Variants in MEGF10 observed in about 807,000 individuals in gnomAD.
MEGF10 encodes the protein multiple EGF like domains 10.
Under a neutral mutation model 147.5 loss-of-function variants are expected in MEGF10, and 86 were observed. That is an observed-to-expected ratio of 0.58 (90% CI 0.49 to 0.70). MEGF10 has a LOEUF of 0.70. Among genes scored for constraint, MEGF10 ranks in the 30% least tolerant of loss-of-function variants. MEGF10 has a pLI of 0.00. For missense variants in MEGF10, 1,329 were observed against 1,487.3 expected, an observed-to-expected ratio of 0.89 and a Z score of 1.75; for synonymous variants, 478 against 525.5, an observed-to-expected ratio of 0.91 and a Z score of 1.24.
chr5:127,247,126 T>C, the MEGF10 span, among the ~76,000 whole-genome samples: 1 of 141,426 alleles, frequency 7.1e-6, no homozygotes, highest in African/African-American at 2.6e-5. Context: ...AAGAAGGGTC[T>C]ATATATGTTT....
At chr5:127,287,512 G>C (rs1403840102), upstream of MEGF10, among the ~76,000 whole-genome samples, 1 of 151,864 alleles carries the variant, frequency 6.6e-6, no homozygotes, top group Non-Finnish European at 1.5e-5. Flanking sequence ...AAAATACTTA[G>C]GGATTCATTT....
At chr5:127,411,389 C>T (rs72790411) in intron 9 of MEGF10, among the ~76,000 whole-genome samples, 15,637 of 152,274 alleles carry the variant, frequency 0.1, 928 homozygotes, top group Non-Finnish European at 0.13. Context: ...ACTAGAATTA[C>T]TTTATTTGCA....
intron 21 of MEGF10, among the ~76,000 whole-genome samples, chr5:127,448,898 A>T (rs1369671952): frequency 6.6e-6 from 1 of 150,968 alleles, no homozygotes; most frequent in Non-Finnish European, 1.5e-5. Flanking sequence ...TGGTGGAGGG[A>T]GTAGCTAGGA....
At chr5:127,350,271 A>G (rs986393450) in intron 4 of MEGF10, among the ~76,000 whole-genome samples, 1 of 151,988 alleles carries the variant, frequency 6.6e-6, no homozygotes, top group Non-Finnish European at 1.5e-5. Context: ...CTTTGTCCCC[A>G]CCTTTCAGCC....
chr5:127,310,403 T>C (rs192390125), intron 1 of MEGF10, among the ~76,000 whole-genome samples: 8 of 152,242 alleles, frequency 5.3e-5, no homozygotes, highest in Admixed American at 2.6e-4. Context: ...TGCAAAAATT[T>C]TTAAATTGTG....
chr5:127,258,922 A>T, the MEGF10 span, among the ~76,000 whole-genome samples: 1 of 152,210 alleles, frequency 6.6e-6, no homozygotes, highest in Non-Finnish European at 1.5e-5. Context: ...AACACAAAAC[A>T]GACTGAGACA....
chr5:127,343,505 C>T (rs75371065), intron 4 of MEGF10, among the ~76,000 whole-genome samples: 2,671 of 152,142 alleles, frequency 0.018, 69 homozygotes, highest in Middle Eastern at 0.099. Context: ...GGGACCTGAC[C>T]GGCTGTCTTC....
At chr5:127,437,118 G>A (rs1424920106) in intron 16 of MEGF10, among the ~76,000 whole-genome samples, 1 of 152,182 alleles carries the variant, frequency 6.6e-6, no homozygotes, top group Non-Finnish European at 1.5e-5. Context: ...ACAGAAGCTG[G>A]TTAAATATCA....
intron 13 of MEGF10, among the ~76,000 whole-genome samples, chr5:127,430,192 A>G (rs552512351): frequency 2.6e-5 from 4 of 152,290 alleles, no homozygotes; most frequent in Admixed American, 2.0e-4. Flanking sequence ...TACATTTTTA[A>G]GAAAACTTCT....
At chr5:127,236,713 T>A in the MEGF10 span, among the ~76,000 whole-genome samples, 1 of 152,246 alleles carries the variant, frequency 6.6e-6, no homozygotes, top group African/African-American at 2.4e-5. Flanking sequence ...AGATAAAATT[T>A]AAAAACTGCC....
chr5:127,378,419 A>C (rs1374503747), intron 5 of MEGF10, among the ~76,000 whole-genome samples: 1 of 152,124 alleles, frequency 6.6e-6, no homozygotes, highest in African/African-American at 2.4e-5. Context: ...CCTTTGTGAC[A>C]TCTCTTCCTG....
At chr5:127,326,687 A>G (rs972389183) in intron 1 of MEGF10, among the ~76,000 whole-genome samples, 3 of 152,200 alleles carry the variant, frequency 2.0e-5, no homozygotes, top group Admixed American at 1.3e-4. Context: ...TATAGATAAC[A>G]CGATGGAGTG....
chr5:127,344,840 A>T (rs1307309982), intron 4 of MEGF10, among the ~76,000 whole-genome samples: 6 of 152,194 alleles, frequency 3.9e-5, no homozygotes, highest in Admixed American at 6.5e-5. Flanking sequence ...GTCTACATCG[A>T]CCAGAGGACT....
At chr5:127,455,031 G>T (rs1392126218) in intron 23 of MEGF10, among the ~76,000 whole-genome samples, 1 of 152,136 alleles carries the variant, frequency 6.6e-6, no homozygotes, top group Non-Finnish European at 1.5e-5. Flanking sequence ...CAGCACAAAT[G>T]CCTTCTTGTC....
intron 20 of MEGF10, 141 bp from the exon 21 acceptor site, chr5:127,447,416 A>G: frequency 2.0e-6 from 2 of 1,020,708 alleles, no homozygotes; most frequent in Non-Finnish European, 2.9e-6. Flanking sequence ...TGACCTCGTC[A>G]TCTGCCCGCC....
the MEGF10 span, among the ~76,000 whole-genome samples, chr5:127,242,600 C>T: frequency 6.6e-6 from 1 of 152,102 alleles, no homozygotes; most frequent in Non-Finnish European, 1.5e-5. Flanking sequence ...AAAGGGTAAA[C>T]ACAACTAAGC....
intron 15 of MEGF10, 73 bp downstream of exon 15, chr5:127,434,894 C>T (rs1580866880): frequency 3.3e-6 from 5 of 1,517,306 alleles, no homozygotes; most frequent in Non-Finnish European, 4.4e-6. Flanking sequence ...CAGGCCTCCC[C>T]TTGGCCTTCC....
chr5:127,396,140 A>G (rs926183755), intron 5 of MEGF10, among the ~76,000 whole-genome samples: 1 of 152,098 alleles, frequency 6.6e-6, no homozygotes, highest in African/African-American at 2.4e-5. Context: ...TTAATATGCT[A>G]AAAAGTCCCT....
intron 1 of MEGF10, among the ~76,000 whole-genome samples, chr5:127,304,993 A>G (rs1265498262): frequency 6.6e-6 from 1 of 152,268 alleles, no homozygotes; most frequent in Non-Finnish European, 1.5e-5. Flanking sequence ...TGAGCAGACG[A>G]AAACATTAAA....
Sources: gnomAD v4.1 joint callset for allele counts (sites outside exome capture counted in the v4.1 genomes callset) on GRCh38, gnomAD v4.1.1 for gene constraint, MANE v1.5 for transcripts, NCBI Gene and HGNC (gene_info 2026-07-23, HGNC 2026-07-21) for gene names.